RARB: variants seen among roughly 807,000 people sequenced by gnomAD.
The protein encoded by RARB is retinoic acid receptor beta, also known as HBV-activated protein.
In RARB, 17 loss-of-function variants were observed where a neutral mutation model predicts 51.9. That is an observed-to-expected ratio of 0.33 (90% CI 0.22 to 0.49). The LOEUF (loss-of-function observed/expected upper bound fraction) is 0.49. RARB is among the 20% of genes least tolerant of loss of function. The pLI is 0.99. For synonymous variants in RARB, 215 were observed against 195.4 expected, an observed-to-expected ratio of 1.10 and a Z score of -0.84; for missense variants, 369 against 550.8, an observed-to-expected ratio of 0.67 and a Z score of 3.30.
chr3:25,558,340 CCTT>C (rs1225586831), intron 3 of RARB, among the ~76,000 whole-genome samples: 7 of 152,112 alleles, frequency 4.6e-5, no homozygotes, highest in Non-Finnish European at 8.8e-5. Context: ...GAACTTTGCT[CCTT>C]CTTCATTCTT....
At chr3:24,887,680 T>C (rs1490986658) in intron 2 of RARB, among the ~76,000 whole-genome samples, 1 of 152,174 alleles carries the variant, frequency 6.6e-6, no homozygotes, top group African/African-American at 2.4e-5. Context: ...TGCACAATAT[T>C]ATGGTTGACT....
chr3:24,875,900 C>G (rs1412432795), intron 2 of RARB, among the ~76,000 whole-genome samples: 1 of 151,958 alleles, frequency 6.6e-6, no homozygotes, highest in Non-Finnish European at 1.5e-5. Context: ...TTCTTTATTC[C>G]TCCCTTGTCC....
At chr3:25,177,549 T>C (rs1700780357) in intron 5 of RARB, among the ~76,000 whole-genome samples, 1 of 152,224 alleles carries the variant, frequency 6.6e-6, no homozygotes, top group Non-Finnish European at 1.5e-5. Context: ...TAAATTCTCC[T>C]GCCCCTGTAG....
chr3:24,892,701 G>A (rs1286172560), intron 2 of RARB, among the ~76,000 whole-genome samples: 3 of 152,200 alleles, frequency 2.0e-5, no homozygotes, highest in Admixed American at 6.5e-5. Context: ...AACTGAGAAT[G>A]TAATTCTTAG....
intron 2 of RARB, among the ~76,000 whole-genome samples, chr3:24,865,868 G>T (rs1015466308): frequency 6.6e-6 from 1 of 152,010 alleles, no homozygotes; most frequent in Non-Finnish European, 1.5e-5. Context: ...AGACATGTTG[G>T]GTCAGTTATT....
intron 2 of RARB, among the ~76,000 whole-genome samples, chr3:25,004,573 A>G (rs1389765535): frequency 6.6e-6 from 1 of 152,040 alleles, no homozygotes; most frequent in African/African-American, 2.4e-5. Context: ...TGGCCTAATC[A>G]CCTCTTAATG....
chr3:25,398,288 C>T (rs1190030461), intron 5 of RARB, among the ~76,000 whole-genome samples: 1 of 152,064 alleles, frequency 6.6e-6, no homozygotes, highest in African/African-American at 2.4e-5. Context: ...ACTACAGGAC[C>T]CACATAAACA....
intron 3 of RARB, among the ~76,000 whole-genome samples, chr3:25,099,615 T>TA (rs10540610): frequency 4.8e-4 from 68 of 142,548 alleles, no homozygotes; most frequent in South Asian, 2.8e-3. Flanking sequence ...TTTCAGGATT[T>TA]AAAAAAAAAA....
At chr3:24,870,715 T>C (rs1702930658) in intron 2 of RARB, among the ~76,000 whole-genome samples, 1 of 152,108 alleles carries the variant, frequency 6.6e-6, no homozygotes, top group African/African-American at 2.4e-5. Context: ...TGAGTACTTT[T>C]TACTGCACTG....
chr3:25,111,608 G>A (rs1384295660), intron 3 of RARB, among the ~76,000 whole-genome samples: 1 of 111,838 alleles, frequency 8.9e-6, no homozygotes, highest in Non-Finnish European at 1.7e-5. Context: ...TTTTTGAGAC[G>A]GAGTCTGTCA....
At chr3:25,516,675 G>C (rs1698181210) in intron 3 of RARB, among the ~76,000 whole-genome samples, 1 of 144,470 alleles carries the variant, frequency 6.9e-6, no homozygotes, top group South Asian at 2.1e-4. Flanking sequence ...CGTCCAGGCT[G>C]GAGTGCAGTG....
intron 5 of RARB, among the ~76,000 whole-genome samples, chr3:25,392,404 T>C (rs116069623): frequency 0.035 from 5,307 of 152,182 alleles, 116 homozygotes; most frequent in Middle Eastern, 0.065. Context: ...AATTTTAAGA[T>C]TGTATATTTT....
chr3:25,005,244 T>A (rs778617114), intron 2 of RARB, among the ~76,000 whole-genome samples: 5 of 152,186 alleles, frequency 3.3e-5, no homozygotes, highest in Non-Finnish European at 7.4e-5. Context: ...TTTGCCTGTA[T>A]CAGTTATTTA....
chr3:25,014,393 G>C (rs1697463530), intron 2 of RARB, among the ~76,000 whole-genome samples: 2 of 152,114 alleles, frequency 1.3e-5, no homozygotes, highest in Non-Finnish European at 2.9e-5. Context: ...TTTATGTGAA[G>C]AGAGGCTACC....
chr3:25,361,004 C>T (rs1373420664), intron 5 of RARB, among the ~76,000 whole-genome samples: 1 of 152,150 alleles, frequency 6.6e-6, no homozygotes, highest in African/African-American at 2.4e-5. Flanking sequence ...CTCTGTATTT[C>T]CTGAATTTGA....
At chr3:24,990,873 T>C (rs1207185265) in intron 2 of RARB, among the ~76,000 whole-genome samples, 1 of 152,244 alleles carries the variant, frequency 6.6e-6, no homozygotes, top group Non-Finnish European at 1.5e-5. Context: ...TAAGATAAAA[T>C]TGACATCATT....
intron 5 of RARB, among the ~76,000 whole-genome samples, chr3:25,257,409 A>G (rs1702892829): frequency 6.6e-6 from 1 of 152,090 alleles, no homozygotes; most frequent in Non-Finnish European, 1.5e-5. Flanking sequence ...AGATACTCAT[A>G]GAGATGTAAT....
rs371854305 is a variant in RARB at position 25,537,845 on chromosome 3, C to G, written c.449-31913C>G. ...CCAACCTGTATCTCCTACCTCTTTT[C>G]TCTCCTCACAGACAGACCCCAAAAT... On this transcript the variant is annotated intron_variant, in intron 3 of 7. Coordinates refer to ENST00000330688, the MANE Select transcript of RARB (RefSeq NM_000965.5). Among the ~76,000 whole-genome samples, 7 of 152,298 alleles carry G rather than the reference C, an allele frequency of 4.6e-5. No individual in the cohort carries two copies. The South Asian group carries it at 8.3e-4, about 18-fold the overall frequency.
intron 3 of RARB, among the ~76,000 whole-genome samples, chr3:25,081,805 G>C (rs1399444015): frequency 2.0e-5 from 3 of 149,590 alleles, no homozygotes; most frequent in Admixed American, 6.7e-5. Context: ...GCTAATTTTT[G>C]TACTTTCAGT....
Sources: allele counts gnomAD v4.1 joint callset (sites outside exome capture counted in the v4.1 genomes callset), GRCh38; gene constraint gnomAD v4.1.1; transcripts MANE v1.5; gene names NCBI Gene and HGNC (gene_info 2026-07-23, HGNC 2026-07-21).